The following GLB1 variants were observed in gnomAD, a reference collection of about 807,000 sequenced individuals.
GLB1 encodes the protein galactosidase beta 1.
A neutral mutation model predicts 74.0 loss-of-function variants in GLB1; 56 were observed. That is an observed-to-expected ratio of 0.76 (90% CI 0.61 to 0.94). The LOEUF is 0.94. Ranked by LOEUF, GLB1 falls within the 40% of genes least tolerant of loss-of-function variation. The pLI, the probability that GLB1 is intolerant of heterozygous loss-of-function variation, is 0.00. For synonymous variants in GLB1, 323 were observed against 323.6 expected (o/e 1.00, Z 0.02); for missense variants, 787 against 845.5 (o/e 0.93, Z 0.86).
chr3:33,006,254 G>A (rs1195970634), intron 15 of GLB1, among the ~76,000 whole-genome samples: 1 of 152,210 alleles, frequency 6.6e-6, no homozygotes, highest in Admixed American at 6.5e-5. Context: ...ATTACTGCCT[G>A]AGCGCCACCT....
chr3:32,989,885 G>A, the GLB1 span, among the ~76,000 whole-genome samples: 1 of 152,018 alleles, frequency 6.6e-6, no homozygotes, highest in Non-Finnish European at 1.5e-5. Context: ...TTCTTCAAAA[G>A]GTTCTTATAA....
chr3:32,981,600 C>G, the GLB1 span, among the ~76,000 whole-genome samples: 1 of 151,634 alleles, frequency 6.6e-6, no homozygotes, highest in Admixed American at 6.6e-5. Context: ...ATGAGGAAAC[C>G]TCGTTTCAAC....
At position 33,021,742 on chromosome 3, in the gene GLB1, C is replaced by A. The variant is rs752049084; in HGVS notation, c.1144-87G>T. ...GTCATTCCCTAATTATCAAAGACAT[C>A]AGTGGGTTTGACCAAACCCCTAAAT... On this transcript the variant is annotated intron_variant, in intron 11 of 15. Transcript: ENST00000307363. 49 of 1,480,572 alleles carry A rather than the reference C, an allele frequency of 3.3e-5. 1 individual carries two copies. Among genetic ancestry groups the A allele is most frequent in the Non-Finnish European group, 4.5e-5 (49 of 1,083,160 alleles). 91.7% of individuals were successfully genotyped at this position (1,480,572 alleles called of 1,614,324 possible).
intron 1 of GLB1, among the ~76,000 whole-genome samples, chr3:33,085,584 C>A (rs1051206734): frequency 2.0e-5 from 3 of 151,852 alleles, no homozygotes; most frequent in African/African-American, 4.8e-5. Context: ...CCATATAGCG[C>A]CTAAATTGTG....
intron 1 of GLB1, chr3:33,090,829 G>A: frequency 1.0e-6 from 1 of 985,318 alleles, no homozygotes; most frequent in Non-Finnish European, 1.2e-6. Flanking sequence ...CTAATAGAAA[G>A]CAATCAGTCA....
At chr3:32,966,767 A>C in the GLB1 span, among the ~76,000 whole-genome samples, 1 of 152,266 alleles carries the variant, frequency 6.6e-6, no homozygotes, top group Admixed American at 6.5e-5. Context: ...TAATCATGGC[A>C]GTGGGTTTTC....
the GLB1 span, among the ~76,000 whole-genome samples, chr3:32,971,785 T>C: frequency 6.6e-6 from 1 of 152,174 alleles, no homozygotes; most frequent in African/African-American, 2.4e-5. Flanking sequence ...TTTCTCTTGA[T>C]TCTCTACTCT....
chr3:33,002,252 G>A (rs1696601903), intron 15 of GLB1, among the ~76,000 whole-genome samples: 1 of 152,032 alleles, frequency 6.6e-6, no homozygotes, highest in Non-Finnish European at 1.5e-5. Flanking sequence ...CTACTTTTTT[G>A]TTGATCAGAC....
At chr3:33,079,900 G>T (rs4528891) in intron 1 of GLB1, among the ~76,000 whole-genome samples, 33,539 of 151,880 alleles carry the variant, frequency 0.22, 5,930 homozygotes, top group African/African-American at 0.48. Flanking sequence ...TCCCACCTCT[G>T]TTCCCAAGTA....
At chr3:33,045,623 G>A (rs1698709021) in intron 10 of GLB1, 1 of 990,786 alleles carries the variant, frequency 1.0e-6, no homozygotes, top group Admixed American at 5.7e-5. Flanking sequence ...AAAGAAACCA[G>A]AGCTTAGCTT....
chr3:33,091,238 T>C (rs1700745804), intron 1 of GLB1: 1 of 985,340 alleles, frequency 1.0e-6, no homozygotes, highest in Admixed American at 6.2e-5. Flanking sequence ...CATTTTAAAC[T>C]GCATGGTATG....
chr3:32,965,171 T>C, the GLB1 span, among the ~76,000 whole-genome samples: 2 of 152,146 alleles, frequency 1.3e-5, no homozygotes, highest in East Asian at 3.8e-4. Context: ...TAAAGATACC[T>C]GAAAATGTGG....
intron 1 of GLB1, among the ~76,000 whole-genome samples, chr3:33,083,165 A>G (rs1700381902): frequency 6.6e-6 from 1 of 152,190 alleles, no homozygotes; most frequent in Non-Finnish European, 1.5e-5. Context: ...TGGGAGGCCG[A>G]GGCAGGTGGA....
chr3:32,979,494 TA>T, the GLB1 span, among the ~76,000 whole-genome samples: 122,406 of 151,784 alleles, frequency 0.81, 51,035 homozygotes, highest in East Asian at 0.93. Context: ...TCTTCCACAT[TA>T]AAAAAAATTC....
In GLB1 at chr3:33,068,245, G is replaced by T. The variant is rs192732174; in HGVS notation, c.442C>A (p.Arg148Ser). The part of the protein sequence containing the change: ...WLLEKESILL[R>S]SSDPDYLAAV... ...AACAACCTACCTGGGTCGGAGGAGCGGAGAAGAATAGACTCTTTCTCTAGC... is the reference window on the plus strand; with the variant it reads ...AACAACCTACCTGGGTCGGAGGAGCTGAGAAGAATAGACTCTTTCTCTAGC... Residue 148 changes from arginine to serine, a missense_variant, in exon 4 of 16, where the codon CGC becomes AGC. Physicochemically the swap from Arg to Ser is moderately radical, Grantham distance 110. Transcript: ENST00000307363. 132 of 1,613,974 alleles carry T rather than the reference G, an allele frequency of 8.2e-5. No individual in the cohort carries two copies. Among genetic ancestry groups the T allele is most frequent in the Non-Finnish European group, 1.0e-4 (122 of 1,179,944 alleles).
At chr3:33,049,394 C>G (rs1008296169) in intron 9 of GLB1, among the ~76,000 whole-genome samples, 1 of 152,120 alleles carries the variant, frequency 6.6e-6, no homozygotes, top group Non-Finnish European at 1.5e-5. Context: ...TTTGCCACAC[C>G]TATCAACTGG....
the GLB1 span, among the ~76,000 whole-genome samples, chr3:32,967,047 G>C: frequency 6.6e-6 from 1 of 152,240 alleles, no homozygotes; most frequent in African/African-American, 2.4e-5. Flanking sequence ...AAGATGGACT[G>C]CTTTCTCCCC....
At chr3:33,008,815 G>A (rs188738634) in intron 15 of GLB1, among the ~76,000 whole-genome samples, 1 of 152,254 alleles carries the variant, frequency 6.6e-6, no homozygotes, top group African/African-American at 2.4e-5. Context: ...GTGGACTGAT[G>A]ACTCTTAAAA....
chr3:32,972,544 C>T, the GLB1 span, among the ~76,000 whole-genome samples: 24,942 of 152,084 alleles, frequency 0.16, 2,218 homozygotes, highest in East Asian at 0.22. Context: ...CTCCTTCATC[C>T]TCCCTTGCCT....
Sources: gnomAD v4.1 joint callset for allele counts (sites outside exome capture counted in the v4.1 genomes callset) on GRCh38, gnomAD v4.1.1 for gene constraint, MANE v1.5 for transcripts, NCBI Gene and HGNC (gene_info 2026-07-23, HGNC 2026-07-21) for gene names.